The following SEMA5A variants were observed in gnomAD, a reference collection of about 807,000 sequenced individuals.
The protein encoded by SEMA5A is semaphorin 5A.
SEMA5A carries 55 observed loss-of-function variants against 135.5 expected under a neutral mutation model. The ratio of observed to expected loss-of-function variants is 0.41; its 90% CI spans 0.33 to 0.51. SEMA5A has a LOEUF of 0.51. SEMA5A is among the 20% of genes least tolerant of loss of function. The probability of loss-of-function intolerance (pLI) is 0.37; values close to 1 mark genes in which losing one functional copy is unlikely to be tolerated. For missense variants in SEMA5A, 1,290 were observed against 1,419.9 expected (o/e 0.91, Z 1.47); for synonymous variants, 580 against 546.5 (o/e 1.06, Z -0.85).
At chr5:9,494,596 C>T (rs956544763) in intron 1 of SEMA5A, among the ~76,000 whole-genome samples, 1 of 138,876 alleles carries the variant, frequency 7.2e-6, no homozygotes, top group Admixed American at 7.3e-5. Flanking sequence ...TCTGCCAAAT[C>T]CCCCCCTTCA....
In SEMA5A at chr5:9,427,992, A is replaced by C. The variant is rs77808498; in HGVS notation, c.-78+9764T>G. ...ATTTATCTATCTCTATATAATTTAC[A>C]TACATGCATTTATATAGGTGGATAT... On this transcript the variant is annotated intron_variant, in intron 2 of 22. Coordinates refer to ENST00000382496, the MANE Select transcript of SEMA5A (RefSeq NM_003966.3). 3.4e-3 allele frequency among the ~76,000 whole-genome samples: 510 copies of C among 151,936 alleles called. 10 individuals carry two copies. The East Asian group carries it at 0.046, about 14-fold the overall frequency.
intron 15 of SEMA5A, among the ~76,000 whole-genome samples, chr5:9,109,418 G>C (rs766985862): frequency 6.6e-6 from 1 of 152,208 alleles, no homozygotes; most frequent in African/African-American, 2.4e-5. Context: ...AAAGGAAACA[G>C]CCTGGCATTC....
intron 21 of SEMA5A, among the ~76,000 whole-genome samples, chr5:9,049,020 C>T (rs1736418592): frequency 6.6e-6 from 1 of 152,108 alleles, no homozygotes; most frequent in African/African-American, 2.4e-5. Flanking sequence ...CCATCCTAAG[C>T]TCAATGGCCT....
At chr5:9,528,486 C>T (rs1409632840) in intron 1 of SEMA5A, among the ~76,000 whole-genome samples, 1 of 152,200 alleles carries the variant, frequency 6.6e-6, no homozygotes, top group Non-Finnish European at 1.5e-5. Context: ...TCCATGGGCA[C>T]TCTCTCCAAC....
At chr5:9,327,548 G>A (rs7726867) in intron 4 of SEMA5A, among the ~76,000 whole-genome samples, 1 of 152,058 alleles carries the variant, frequency 6.6e-6, no homozygotes, top group South Asian at 2.1e-4. Context: ...AGATTAAAAG[G>A]TGCAAAAATA....
chr5:9,160,669 C>G (rs1421277360), intron 11 of SEMA5A, among the ~76,000 whole-genome samples: 1 of 151,866 alleles, frequency 6.6e-6, no homozygotes, highest in African/African-American at 2.4e-5. Context: ...TGCTGGTGAC[C>G]AATGCAGTCA....
intron 12 of SEMA5A, among the ~76,000 whole-genome samples, chr5:9,144,907 A>G (rs1440300424): frequency 6.6e-6 from 1 of 152,176 alleles, no homozygotes; most frequent in African/African-American, 2.4e-5. Flanking sequence ...AAGTTGTTTG[A>G]AGGCAGAGCA....
At chr5:9,373,811 G>A (rs905466545) in intron 3 of SEMA5A, among the ~76,000 whole-genome samples, 1 of 152,186 alleles carries the variant, frequency 6.6e-6, no homozygotes, top group South Asian at 2.1e-4. Flanking sequence ...GTCTTTCTTT[G>A]TGAATAATGT....
chr5:9,450,146 G>A (rs997665887), intron 1 of SEMA5A, among the ~76,000 whole-genome samples: 5 of 152,120 alleles, frequency 3.3e-5, no homozygotes, highest in Non-Finnish European at 7.3e-5. Context: ...CCCCCTTGGG[G>A]CGGCTGTCTC....
chr5:9,089,914 C>T (rs550487714), intron 16 of SEMA5A, among the ~76,000 whole-genome samples: 51 of 152,152 alleles, frequency 3.4e-4, no homozygotes, highest in Non-Finnish European at 6.8e-4. Flanking sequence ...CATTCTTTCT[C>T]TCTTAATCTT....
intron 1 of SEMA5A, among the ~76,000 whole-genome samples, chr5:9,455,405 G>A (rs542907336): frequency 6.6e-6 from 1 of 151,810 alleles, no homozygotes; most frequent in Non-Finnish European, 1.5e-5. Context: ...GCAGTCACTC[G>A]CCACCATGCC....
intron 3 of SEMA5A, among the ~76,000 whole-genome samples, chr5:9,377,376 T>C (rs1162318699): frequency 6.6e-6 from 1 of 152,208 alleles, no homozygotes. Flanking sequence ...GAAGCAAAGC[T>C]AGATTCCTTT....
intron 3 of SEMA5A, among the ~76,000 whole-genome samples, chr5:9,377,543 A>G (rs1755415444): frequency 6.6e-6 from 1 of 152,218 alleles, no homozygotes. Flanking sequence ...CGAGGACAAA[A>G]AAAAAAGAGA....
intron 3 of SEMA5A, among the ~76,000 whole-genome samples, chr5:9,342,559 A>G (rs192283834): frequency 6.6e-6 from 1 of 152,316 alleles, no homozygotes; most frequent in East Asian, 1.9e-4. Flanking sequence ...ATTGTTGAAA[A>G]GCACGGAGAG....
chr5:9,226,722 C>A, intron 7 of SEMA5A, 147 bp downstream of exon 7: 1 of 502,646 alleles, frequency 2.0e-6, no homozygotes, highest in Non-Finnish European at 3.6e-6. Context: ...ATCAATAAAT[C>A]AAATATTTAT....
chr5:9,118,843 G>C (rs1427351173), intron 15 of SEMA5A, among the ~76,000 whole-genome samples, 155 bp downstream of exon 15: 2 of 152,186 alleles, frequency 1.3e-5, no homozygotes, highest in East Asian at 3.8e-4. Context: ...CAAAATTAAA[G>C]GATGCCAGGA....
intron 8 of SEMA5A, among the ~76,000 whole-genome samples, chr5:9,220,807 A>G (rs1291156303): frequency 6.6e-6 from 1 of 152,198 alleles, no homozygotes; most frequent in East Asian, 1.9e-4. Context: ...AGTTAAGGTA[A>G]TGGCTGGAAA....
chr5:9,101,033 C>A (rs971108561), intron 16 of SEMA5A, among the ~76,000 whole-genome samples: 2 of 152,298 alleles, frequency 1.3e-5, no homozygotes, highest in Non-Finnish European at 2.9e-5. Flanking sequence ...AGGTTTCTTG[C>A]ATTCTTCTGG....
chr5:9,141,728 C>T (rs896218350), intron 12 of SEMA5A, among the ~76,000 whole-genome samples: 7 of 151,962 alleles, frequency 4.6e-5, no homozygotes, highest in Admixed American at 1.3e-4. Flanking sequence ...TTTGCAATTA[C>T]GTTTTTTGTT....
Sources: allele counts gnomAD v4.1 joint callset (sites outside exome capture counted in the v4.1 genomes callset), GRCh38; gene constraint gnomAD v4.1.1; transcripts MANE v1.5; gene names NCBI Gene and HGNC (gene_info 2026-07-23, HGNC 2026-07-21).